Variants in COL6A5 observed in about 807,000 individuals in gnomAD.
COL6A5 encodes the protein collagen alpha-5(VI) chain.
Under a neutral mutation model 65.6 loss-of-function variants are expected in COL6A5, and 48 were observed. The observed-to-expected ratio is 0.73, with a 90% CI of 0.58 to 0.93. COL6A5 has a LOEUF of 0.93. Among genes scored for constraint, COL6A5 ranks in the 40% least tolerant of loss-of-function variants. COL6A5 has a pLI of 0.00. For missense variants in COL6A5, 914 were observed against 928.3 expected (o/e 0.98, Z 0.20); for synonymous variants, 291 against 322.8 (o/e 0.90, Z 1.05).
chr3:130,474,180 A>G (rs1710030518), intron 7 of COL6A5, among the ~76,000 whole-genome samples: 1 of 152,086 alleles, frequency 6.6e-6, no homozygotes. Context: ...TAGGGGACCT[A>G]TATAAGTCTC....
At chr3:130,475,708 G>A (rs1157971000) in intron 7 of COL6A5, among the ~76,000 whole-genome samples, 4 of 152,082 alleles carry the variant, frequency 2.6e-5, no homozygotes, top group African/African-American at 9.7e-5. Flanking sequence ...AATTAAGGAA[G>A]GGACACAAAT....
chr3:130,484,204 A>C lies in COL6A5; in HGVS notation c.*163A>C, dbSNP rs971733209. 1.0e-5 allele frequency: 7 copies of C among 687,382 alleles called. No homozygotes were observed. In the Admixed American group the frequency reaches 2.3e-4, roughly 23 times the overall value. The allele number at this position is 687,382 out of a possible 1,614,324, so 42.6% of individuals were successfully genotyped here. A position where few individuals can be genotyped will look rare whatever the true frequency, so the allele number is the denominator to read the frequency against. On this transcript the variant is annotated 3_prime_UTR_variant, in exon 8 of 8. Transcript: ENST00000512836. ...TAATAGCATGCTAAATTTGTTCTCC[A>C]TCTCAAATCTTGAGGAGAAGAATTT...
intron 5 of COL6A5, among the ~76,000 whole-genome samples, chr3:130,460,455 C>T (rs186822459): frequency 6.6e-6 from 1 of 152,244 alleles, no homozygotes; most frequent in East Asian, 1.9e-4. Context: ...AATAAGTGGA[C>T]TATCTGAATT....
chr3:130,398,803 AG>A (rs971137047), intron 10 of COL6A5, among the ~76,000 whole-genome samples: 47 of 152,190 alleles, frequency 3.1e-4, no homozygotes, highest in African/African-American at 1.1e-3. Flanking sequence ...TTTGCATTCC[AG>A]AGTCCCTCAT....
chr3:130,387,047 A>T (rs2107648693), intron 5 of COL6A5, among the ~76,000 whole-genome samples: 1 of 152,228 alleles, frequency 6.6e-6, no homozygotes, highest in East Asian at 1.9e-4. Flanking sequence ...CAGGTCTAGT[A>T]GAGAGGCTGT....
intron 1 of COL6A5, 71 bp from the exon 34 acceptor site, chr3:130,439,451 T>C: frequency 8.9e-7 from 1 of 1,127,812 alleles, no homozygotes; most frequent in Admixed American, 2.2e-5. Flanking sequence ...TTTAAACTAA[T>C]CCTTAAAGTG....
At chr3:130,406,598 G>A (rs771096861) in intron 17 of COL6A5, among the ~76,000 whole-genome samples, 19 of 151,814 alleles carry the variant, frequency 1.3e-4, no homozygotes, top group Non-Finnish European at 2.2e-4. Context: ...ACCTGTCAGT[G>A]GTTTCTTTTG....
chr3:130,374,465 T>C (rs1406581514), intron 2 of COL6A5, among the ~76,000 whole-genome samples: 1 of 152,040 alleles, frequency 6.6e-6, no homozygotes, highest in Non-Finnish European at 1.5e-5. Flanking sequence ...TATAATCGTA[T>C]TTTTTTGAGA....
chr3:130,409,250 A>G (rs1246014218), intron 17 of COL6A5, 76 bp from the exon 18 acceptor site: 23 of 1,114,332 alleles, frequency 2.1e-5, no homozygotes, highest in Middle Eastern at 2.1e-4. Context: ...ACCCCCCTAC[A>G]TACAAAACTT....
intron 6 of COL6A5, among the ~76,000 whole-genome samples, chr3:130,389,593 A>T (rs1206544504): frequency 6.6e-6 from 1 of 151,600 alleles, no homozygotes; most frequent in Non-Finnish European, 1.5e-5. Context: ...GGTATTTTAA[A>T]GATAGTTTAT....
chr3:130,414,669 G>A (rs1211642276), intron 22 of COL6A5, among the ~76,000 whole-genome samples: 1 of 152,082 alleles, frequency 6.6e-6, no homozygotes, highest in African/African-American at 2.4e-5. Flanking sequence ...CTCTGTGACA[G>A]AAGGGGAAGC....
At chr3:130,445,672 C>G (rs184913347) in intron 4 of COL6A5, among the ~76,000 whole-genome samples, 2 of 151,824 alleles carry the variant, frequency 1.3e-5, no homozygotes, top group African/African-American at 2.4e-5. Flanking sequence ...AGGCCTGGTG[C>G]GGGGGGGATA....
chr3:130,473,235 AG>A (rs1266057191), intron 7 of COL6A5, among the ~76,000 whole-genome samples: 1 of 152,070 alleles, frequency 6.6e-6, no homozygotes, highest in African/African-American at 2.4e-5. Context: ...GGCTCTGAAA[AG>A]TAAGCAAAAG....
intron 7 of COL6A5, among the ~76,000 whole-genome samples, chr3:130,393,595 T>A (rs988471725): frequency 5.9e-5 from 9 of 152,224 alleles, no homozygotes; most frequent in Admixed American, 3.3e-4. Flanking sequence ...CCTACATTTT[T>A]GAGGTAGTGG....
At chr3:130,392,467 T>C (rs1165525438) in intron 7 of COL6A5, among the ~76,000 whole-genome samples, 2 of 152,178 alleles carry the variant, frequency 1.3e-5, no homozygotes, top group Non-Finnish European at 1.5e-5. Context: ...TGATAAGTCA[T>C]CTAGGAAGGG....
chr3:130,392,377 G>A (rs1443294216), intron 7 of COL6A5, among the ~76,000 whole-genome samples: 3 of 152,156 alleles, frequency 2.0e-5, no homozygotes, highest in Non-Finnish European at 4.4e-5. Context: ...GCTACCATTG[G>A]GGTTGGTAGG....
At position 130,423,832 on chromosome 3, in the gene COL6A5, C is replaced by T; in HGVS notation, c.5101-6C>T. 1 of 1,547,788 alleles carries T rather than the reference C, an allele frequency of 6.5e-7. No individual in the cohort carries two copies. The highest frequency in any genetic ancestry group is 1.2e-5 in the South Asian group (1 of 83,916). ...AACTAATGTATTAATATATTCCTATCTGCAGCTCACTGTAGGCTTGAAAGG... is the reference window on the plus strand; with the variant it reads ...AACTAATGTATTAATATATTCCTATTTGCAGCTCACTGTAGGCTTGAAAGG... On this transcript the variant is annotated splice_polypyrimidine_tract_variant and splice_region_variant and intron_variant and NMD_transcript_variant, in intron 28 of 41. Transcript: ENST00000312481.
At chr3:130,418,516 G>T (rs557159370) in intron 24 of COL6A5, among the ~76,000 whole-genome samples, 3 of 152,178 alleles carry the variant, frequency 2.0e-5, no homozygotes, top group African/African-American at 7.2e-5. Context: ...AGCCAGGTGA[G>T]GACAGGACCT....
intron 7 of COL6A5, among the ~76,000 whole-genome samples, chr3:130,474,653 T>C (rs1386814470): frequency 6.6e-6 from 1 of 151,720 alleles, no homozygotes; most frequent in Non-Finnish European, 1.5e-5. Context: ...AAATACAATA[T>C]CTAAAATTTT....
Sources: gnomAD v4.1 joint callset for allele counts (sites outside exome capture counted in the v4.1 genomes callset) on GRCh38, gnomAD v4.1.1 for gene constraint, MANE v1.5 for transcripts, NCBI Gene and HGNC (gene_info 2026-07-23, HGNC 2026-07-21) for gene names.